DLGAP2: variants seen among roughly 807,000 people sequenced by gnomAD.
DLGAP2 encodes the protein disks large-associated protein 2.
Under a neutral mutation model 100.3 loss-of-function variants are expected in DLGAP2, and 26 were observed. That is an observed-to-expected ratio of 0.26 (90% CI 0.19 to 0.36). The LOEUF (loss-of-function observed/expected upper bound fraction) is 0.36, where lower values mean the gene tolerates loss of function less well. Ranked by LOEUF, DLGAP2 falls within the 10% of genes least tolerant of loss-of-function variation. DLGAP2 has a pLI of 1.00. For missense variants in DLGAP2, 1,858 were observed against 1,453.2 expected, an observed-to-expected ratio of 1.28 and a Z score of -4.53; for synonymous variants, 886 against 630.1, an observed-to-expected ratio of 1.41 and a Z score of -6.08.
chr8:1,491,315 G>A (rs1052232035), intron 3 of DLGAP2, among the ~76,000 whole-genome samples: 1 of 152,244 alleles, frequency 6.6e-6, no homozygotes, highest in African/African-American at 2.4e-5. Flanking sequence ...CAGTAAGGCT[G>A]CTTTCAGGCC....
At chr8:1,100,740 C>T (rs1221168631) in intron 2 of DLGAP2, among the ~76,000 whole-genome samples, 1 of 152,216 alleles carries the variant, frequency 6.6e-6, no homozygotes. Flanking sequence ...TCTTTCCACG[C>T]ATGATCTGCC....
intron 3 of DLGAP2, among the ~76,000 whole-genome samples, chr8:1,465,460 T>C (rs1798599242): frequency 6.6e-6 from 1 of 151,856 alleles, no homozygotes; most frequent in African/African-American, 2.4e-5. Flanking sequence ...TTCCATTAAT[T>C]TGCTAGAGTG....
At chr8:930,885 G>A (rs1798941405) in intron 2 of DLGAP2, among the ~76,000 whole-genome samples, 1 of 152,196 alleles carries the variant, frequency 6.6e-6, no homozygotes, top group Non-Finnish European at 1.5e-5. Flanking sequence ...AAATCCCTCT[G>A]GAACTGCATG....
chr8:1,363,572 G>A (rs1263548157), intron 3 of DLGAP2, among the ~76,000 whole-genome samples: 1 of 152,220 alleles, frequency 6.6e-6, no homozygotes, highest in Non-Finnish European at 1.5e-5. Context: ...AGAGGAACTT[G>A]GTCCTGGCTG....
chr8:1,239,548 T>G (rs1798736155), intron 2 of DLGAP2, among the ~76,000 whole-genome samples: 2 of 113,956 alleles, frequency 1.8e-5, no homozygotes, highest in Admixed American at 9.5e-5. Flanking sequence ...TTCTCTCACA[T>G]GGCGCCGTGT....
At chr8:1,466,561 C>A (rs570537843) in intron 3 of DLGAP2, among the ~76,000 whole-genome samples, 1 of 151,790 alleles carries the variant, frequency 6.6e-6, no homozygotes, top group South Asian at 2.1e-4. Context: ...GTGTGTCTGG[C>A]CCATATGTGA....
intron 1 of DLGAP2, among the ~76,000 whole-genome samples, chr8:795,033 T>C (rs1795994963): frequency 6.6e-6 from 1 of 152,202 alleles, no homozygotes; most frequent in African/African-American, 2.4e-5. Flanking sequence ...AGAGAAAAGT[T>C]AATATTGCCA....
chr8:1,683,995 T>TATATAC (rs1563061391), intron 12 of DLGAP2, among the ~76,000 whole-genome samples: 3 of 130,268 alleles, frequency 2.3e-5, no homozygotes, highest in East Asian at 2.4e-4. Flanking sequence ...TATACTTTTT[T>TATATAC]TTTTAAGACG....
At chr8:834,525 C>T (rs149067346) in intron 1 of DLGAP2, among the ~76,000 whole-genome samples, 1 of 152,342 alleles carries the variant, frequency 6.6e-6, no homozygotes, top group East Asian at 1.9e-4. Context: ...AATCTCATTG[C>T]TGTCTTCCAC....
At chr8:1,089,644 A>G (rs1410956513) in intron 2 of DLGAP2, among the ~76,000 whole-genome samples, 1 of 152,202 alleles carries the variant, frequency 6.6e-6, no homozygotes, top group African/African-American at 2.4e-5. Context: ...TGATAGGTTC[A>G]TATTGATTTT....
At position 1,668,622 on chromosome 8, in the gene DLGAP2, C is replaced by G; in HGVS notation, c.2104C>G (p.Leu702Val). The part of the protein sequence containing the change: ...SSVRTSDKAI[L>V]VSKAEELLKS... ...TGTGCGGACCAGCGACAAGGCCATCCTGGTGTCCAAGGCGGAGGAGCTCCT... is the reference window on the plus strand; with the variant it reads ...TGTGCGGACCAGCGACAAGGCCATCGTGGTGTCCAAGGCGGAGGAGCTCCT... Residue 702 changes from leucine (L) to valine (V), a missense_variant, in exon 9 of 15, where the codon CTG becomes GTG. Leu to Val is a conservative substitution (Grantham distance 32). Coordinates refer to ENST00000637795, the MANE Select transcript of DLGAP2 (RefSeq NM_001346810.2). 6.3e-7 allele frequency: 1 copy of G among 1,599,976 alleles called. No individual in the cohort carries two copies. The highest frequency in any genetic ancestry group is 1.7e-5 in the Admixed American group (1 of 58,344).
In DLGAP2 at chr8:1,436,911, T is replaced by C. The variant is rs115283571; in HGVS notation, c.107-64455T>C. 5.5e-3 allele frequency among the ~76,000 whole-genome samples: 832 copies of C among 152,384 alleles called. 9 individuals carry two copies. Among genetic ancestry groups the C allele is most frequent in the African/African-American group, 0.019 (781 of 41,604 alleles). ...GTTGAGATACACAACTTCTTACCCC[T>C]GTGTTACAGTTTTCTACAGTCTTCA... On this transcript the variant is annotated intron_variant, in intron 3 of 14. Coordinates refer to ENST00000637795, the MANE Select transcript of DLGAP2 (RefSeq NM_001346810.2).
chr8:1,166,288 C>T (rs913294210), intron 2 of DLGAP2, among the ~76,000 whole-genome samples: 1 of 152,230 alleles, frequency 6.6e-6, no homozygotes, highest in Non-Finnish European at 1.5e-5. Flanking sequence ...CAAGATGCAC[C>T]ACCCCGTGCT....
intron 3 of DLGAP2, among the ~76,000 whole-genome samples, chr8:1,490,318 C>T (rs913618978): frequency 5.9e-5 from 9 of 152,288 alleles, no homozygotes; most frequent in Middle Eastern, 3.4e-3. Flanking sequence ...ACCTTACGTG[C>T]GGGGTTGAAA....
At chr8:836,273 G>T (rs116142057) in intron 1 of DLGAP2, among the ~76,000 whole-genome samples, 5,932 of 152,264 alleles carry the variant, frequency 0.039, 170 homozygotes, top group African/African-American at 0.074. Flanking sequence ...GACTGTCCCC[G>T]TCCATGTTCT....
At position 1,200,853 on chromosome 8, in the gene DLGAP2, G is replaced by T. The variant is rs550189538; in HGVS notation, c.74-57998G>T. 7.9e-5 allele frequency among the ~76,000 whole-genome samples: 12 copies of T among 152,344 alleles called. No individual in the cohort carries two copies. The East Asian group carries it at 1.7e-3, about 22-fold the overall frequency. On this transcript the variant is annotated intron_variant, in intron 2 of 14. Coordinates refer to ENST00000637795, the MANE Select transcript of DLGAP2 (RefSeq NM_001346810.2). ...CTTTGTTTTCCGTTCCCACATATCG[G>T]TTTGGCATCGAACGATGCGTCCGCT... is the stretch of plus-strand genomic sequence containing the variant.
chr8:1,637,113 G>C (rs1442699359), intron 8 of DLGAP2, among the ~76,000 whole-genome samples: 1 of 152,196 alleles, frequency 6.6e-6, no homozygotes, highest in Non-Finnish European at 1.5e-5. Flanking sequence ...TCGGGGACCA[G>C]GTGTGCAGTG....
intron 2 of DLGAP2, among the ~76,000 whole-genome samples, chr8:1,065,064 G>T (rs966339149): frequency 3.3e-5 from 5 of 152,174 alleles, no homozygotes; most frequent in African/African-American, 1.2e-4. Flanking sequence ...ACCAAACAGC[G>T]TGCCCAGGGG....
At chr8:786,832 G>A (rs1289839981) in intron 1 of DLGAP2, among the ~76,000 whole-genome samples, 1 of 151,854 alleles carries the variant, frequency 6.6e-6, no homozygotes, top group East Asian at 1.9e-4. Context: ...CAGCGTCTCA[G>A]TGAGACCTGT....
Sources: allele counts gnomAD v4.1 joint callset (sites outside exome capture counted in the v4.1 genomes callset), GRCh38; gene constraint gnomAD v4.1.1; transcripts MANE v1.5; gene names NCBI Gene and HGNC (gene_info 2026-07-23, HGNC 2026-07-21).